Variants in MTIF2 observed in about 807,000 individuals in gnomAD.
MTIF2 encodes the protein mitochondrial translational initiation factor 2, also known as translation initiation factor IF-2, mitochondrial.
Under a neutral mutation model 83.5 loss-of-function variants are expected in MTIF2, and 71 were observed. That is an observed-to-expected ratio of 0.85 (90% CI 0.70 to 1.04). The LOEUF is 1.04. Among genes scored for constraint, MTIF2 ranks in the 50% least tolerant of loss-of-function variants. The pLI, the probability that MTIF2 is intolerant of heterozygous loss-of-function variation, is 0.00. For synonymous variants in MTIF2, 319 were observed against 287.1 expected (o/e 1.11, Z -1.12); for missense variants, 957 against 846.5 (o/e 1.13, Z -1.62).
At chr2:55,254,283 G>A in intron 6 of MTIF2, 82 bp from the exon 7 acceptor site, 2 of 1,451,754 alleles carry the variant, frequency 1.4e-6, no homozygotes, top group South Asian at 2.6e-5. Flanking sequence ...ATTTATCCCT[G>A]TGAACTACCA....
At chr2:55,249,298 A>G (rs1676921194) in intron 9 of MTIF2, 97 bp downstream of exon 9, 2 of 1,460,586 alleles carry the variant, frequency 1.4e-6, no homozygotes, top group East Asian at 4.7e-5. Context: ...AACAACACAA[A>G]TTATGTACAT....
rs1677319273 is a variant in MTIF2 at position 55,254,046 on chromosome 2, A to C, written c.659T>G (p.Phe220Cys). 1 of 1,613,768 alleles carries C rather than the reference A, an allele frequency of 6.2e-7. No individual in the cohort carries two copies. Among genetic ancestry groups the C allele is most frequent in the Non-Finnish European group, 8.5e-7 (1 of 1,179,964 alleles). The change falls in exon 7 of 16, where the codon TTT (phenylalanine) becomes TGT (cysteine). Residue 220 changes from phenylalanine (F) to cysteine (C), a missense_variant. Physicochemically the swap from Phe to Cys is radical, Grantham distance 205. Around this residue, in one of 3 missense-constraint regions of MTIF2, gnomAD observed 733 missense variants for 648.7 expected, o/e 1.13. Coordinates refer to ENST00000263629, the MANE Select transcript of MTIF2 (RefSeq NM_002453.3). Reference sequence around the variant, plus strand: ...AAGGTAATTTGTGTTCATACCAAGAAAGGCACCAATGTGCTGAGTGATGCC... The same window carrying C: ...AAGGTAATTTGTGTTCATACCAAGACAGGCACCAATGTGCTGAGTGATGCC... ...TGGITQHIGA[F>C]LVSLPSGEKI...
At position 55,262,362 on chromosome 2, in the gene MTIF2, A is replaced by C. The variant is rs1404349326; in HGVS notation, c.285T>G (p.Ile95Met). 1 of 1,613,832 alleles carries C rather than the reference A, an allele frequency of 6.2e-7. No homozygotes were observed. The highest frequency in any genetic ancestry group is 1.7e-5 in the Admixed American group (1 of 59,992). Residue 95 changes from isoleucine (I) to methionine (M), a missense_variant, in exon 5 of 16, where the codon ATT becomes ATG. Ile to Met is a conservative substitution (Grantham distance 10, BLOSUM62 1). Transcript: ENST00000263629. ...TKSKKVVEVW[I>M]GMTIEELARA... Reference sequence around the variant, plus strand: ...TGGCCAGTTCCTCAATAGTCATTCCAATCCATACTTCTACCACCTTTTTAG... The same window carrying C: ...TGGCCAGTTCCTCAATAGTCATTCCCATCCATACTTCTACCACCTTTTTAG...
chr2:55,268,156 G>T (rs1046729334), intron 2 of MTIF2, among the ~76,000 whole-genome samples: 1 of 152,078 alleles, frequency 6.6e-6, no homozygotes, highest in South Asian at 2.1e-4. Flanking sequence ...GGGAGGCTGA[G>T]GCAGGAGAAT....
intron 3 of MTIF2, among the ~76,000 whole-genome samples, chr2:55,267,304 C>T (rs1182466893): frequency 1.3e-5 from 2 of 151,912 alleles, no homozygotes; most frequent in Non-Finnish European, 2.9e-5. Context: ...TTACAGGTGC[C>T]TGCCAGCACA....
chr2:55,260,085 A>C (rs1677845787), intron 5 of MTIF2, among the ~76,000 whole-genome samples: 1 of 152,206 alleles, frequency 6.6e-6, no homozygotes, highest in African/African-American at 2.4e-5. Context: ...TGACTGAATA[A>C]TCCATCTGCA....
intron 7 of MTIF2, among the ~76,000 whole-genome samples, chr2:55,253,315 T>C (rs905211927): frequency 2.6e-5 from 4 of 152,216 alleles, no homozygotes; most frequent in African/African-American, 4.8e-5. Context: ...AAGGAAGTTA[T>C]ATAAACATAA....
intron 8 of MTIF2, among the ~76,000 whole-genome samples, chr2:55,251,003 G>A (rs922834187): frequency 3.3e-5 from 5 of 151,134 alleles, no homozygotes; most frequent in African/African-American, 9.7e-5. Context: ...CCAGCTATTC[G>A]GGAGGCTGAG....
intron 4 of MTIF2, among the ~76,000 whole-genome samples, chr2:55,262,690 G>A (rs1678114098): frequency 1.3e-5 from 2 of 150,106 alleles, no homozygotes; most frequent in African/African-American, 2.4e-5. Flanking sequence ...TTACAGGTGT[G>A]CACCACCAAG....
chr2:55,243,793 T>G lies in MTIF2; in HGVS notation c.1312-125A>C, dbSNP rs1676498518. 5.3e-6 allele frequency: 6 copies of G among 1,136,214 alleles called. No homozygotes were observed. In the East Asian group the frequency reaches 1.5e-4, roughly 28 times the overall value. The allele number at this position is 1,136,214 out of a possible 1,614,324, so 70.4% of individuals were successfully genotyped here. A position where few individuals can be genotyped will look rare whatever the true frequency, so the allele number is the denominator to read the frequency against. On this transcript the variant is annotated intron_variant, in intron 11 of 15. Coordinates refer to ENST00000263629, the MANE Select transcript of MTIF2 (RefSeq NM_002453.3). ...TGTATGAAACTACTACTTTTATAAG[T>G]TTCAAGAAACATGTAAAATTTTAAT...
chr2:55,265,079 CTAAA>C (rs1370663777), intron 3 of MTIF2, among the ~76,000 whole-genome samples: 1 of 151,780 alleles, frequency 6.6e-6, no homozygotes, highest in Non-Finnish European at 1.5e-5. Context: ...CCTGTCTCTA[CTAAA>C]AATACAAAAA....
At chr2:55,237,680 T>C (rs1207476612) in intron 14 of MTIF2, among the ~76,000 whole-genome samples, 4 of 130,866 alleles carry the variant, frequency 3.1e-5, no homozygotes, top group Non-Finnish European at 6.2e-5. Flanking sequence ...AGACAGAGTC[T>C]CACTCTGTCA....
chr2:55,263,796 C>T lies in MTIF2; in HGVS notation c.63G>A (p.Leu21=). 1.2e-6 allele frequency: 2 copies of T among 1,614,010 alleles called. No homozygotes were observed. Among genetic ancestry groups the T allele is most frequent in the Non-Finnish European group, 1.7e-6 (2 of 1,180,010 alleles). The change falls in exon 4 of 16, where the codon CTG becomes CTA. Residue 21 remains leucine (L), a synonymous_variant. Transcript: ENST00000263629. Reference sequence around the variant, plus strand: ...ATGCTCTTCTTTGACACAGACTGTGCAGTTGCCTATAAATAGTGTGAAATC... The same window carrying T: ...ATGCTCTTCTTTGACACAGACTGTGTAGTTGCCTATAAATAGTGTGAAATC... ...LLRFHTIYRQ[L]HSLCQRRALR...
chr2:55,255,615 T>C (rs552199448), intron 5 of MTIF2, among the ~76,000 whole-genome samples: 54 of 151,436 alleles, frequency 3.6e-4, no homozygotes, highest in Admixed American at 1.2e-3. Context: ...CACAGCCTTC[T>C]TGGGCTTAGG....
At chr2:55,257,370 G>A (rs1039752084) in intron 5 of MTIF2, among the ~76,000 whole-genome samples, 1 of 152,148 alleles carries the variant, frequency 6.6e-6, no homozygotes, top group Admixed American at 6.6e-5. Context: ...AATCCCAGCT[G>A]CTCCAGAGGT....
chr2:55,254,020 T>G, intron 7 of MTIF2, 21 bp downstream of exon 7: 1 of 1,612,294 alleles, frequency 6.2e-7, no homozygotes. Context: ...AAGCACATTG[T>G]AAGGTAATTT....
At chr2:55,247,113 T>C (rs1676754615) in intron 9 of MTIF2, among the ~76,000 whole-genome samples, 1 of 152,214 alleles carries the variant, frequency 6.6e-6, no homozygotes, top group South Asian at 2.1e-4. Context: ...GTGATTCTTT[T>C]ACCTTTCATG....
chr2:55,254,222 G>A (rs369651405), intron 6 of MTIF2, 21 bp from the exon 7 acceptor site: 3 of 1,600,636 alleles, frequency 1.9e-6, no homozygotes, highest in Admixed American at 1.8e-5. Flanking sequence ...CAGCAAAAGA[G>A]TTTCATTTCT....
At chr2:55,262,819 C>T (rs962638742) in intron 4 of MTIF2, among the ~76,000 whole-genome samples, 1 of 152,008 alleles carries the variant, frequency 6.6e-6, no homozygotes, top group African/African-American at 2.4e-5. Flanking sequence ...ACCTCCACCT[C>T]CCAGGTTCAA....
Sources: allele counts gnomAD v4.1 joint callset (sites outside exome capture counted in the v4.1 genomes callset), GRCh38; gene constraint gnomAD v4.1.1; regional missense constraint gnomAD v4.1.1; transcripts MANE v1.5; gene names NCBI Gene and HGNC (gene_info 2026-07-23, HGNC 2026-07-21).